FAM53A: variants seen among roughly 807,000 people sequenced by gnomAD.
The protein encoded by FAM53A is family with sequence similarity 53 member A, also known as protein FAM53A.
FAM53A carries 28 observed loss-of-function variants against 26.6 expected under a neutral mutation model. The observed-to-expected ratio is 1.05, with a 90% confidence interval of 0.78 to 1.45. The LOEUF (loss-of-function observed/expected upper bound fraction) is 1.45. Ranked by LOEUF, FAM53A falls within the 40% of genes most tolerant of loss-of-function variation. The pLI is 0.00. For missense variants in FAM53A, 650 were observed against 575.8 expected (o/e 1.13, Z -1.32); for synonymous variants, 290 against 253.1 (o/e 1.15, Z -1.38).
At chr4:1,579,671 T>A in the FAM53A span, among the ~76,000 whole-genome samples, 2 of 152,102 alleles carry the variant, frequency 1.3e-5, no homozygotes, top group East Asian at 3.9e-4. Flanking sequence ...GAGTTACGAC[T>A]CAGAACGCCC....
chr4:1,577,435 A>AG, the FAM53A span, among the ~76,000 whole-genome samples: 2,443 of 152,220 alleles, frequency 0.016, 65 homozygotes, highest in African/African-American at 0.056. Flanking sequence ...GCGGGGTGGT[A>AG]GGGGGGCTAC....
intron 3 of FAM53A, among the ~76,000 whole-genome samples, chr4:1,656,837 A>G (rs1378215875): frequency 6.6e-6 from 1 of 152,132 alleles, no homozygotes; most frequent in East Asian, 1.9e-4. Context: ...ACAGTCAGGT[A>G]AGCAGGGCCA....
chr4:1,596,775 C>CAG, the FAM53A span, among the ~76,000 whole-genome samples: 193 of 150,946 alleles, frequency 1.3e-3, no homozygotes, highest in African/African-American at 4.0e-3. Context: ...GGGGGAAAGA[C>CAG]AGAGAGAGAG....
At chr4:1,574,773 C>T in the FAM53A span, among the ~76,000 whole-genome samples, 2 of 152,332 alleles carry the variant, frequency 1.3e-5, no homozygotes, top group South Asian at 2.1e-4. Context: ...GCTGGCTGGA[C>T]GGCAGGTGGT....
chr4:1,644,570 GTCCCT>G, intron 4 of FAM53A: 1 of 486,320 alleles, frequency 2.1e-6, no homozygotes, highest in Non-Finnish European at 3.6e-6. Context: ...CGCGCCCCCT[GTCCCT>G]GGGCGCCAGC....
the FAM53A span, among the ~76,000 whole-genome samples, chr4:1,609,093 T>C: frequency 8.0e-4 from 122 of 152,206 alleles, no homozygotes; most frequent in Middle Eastern, 3.4e-3. Flanking sequence ...CCCTGGCTCC[T>C]GCTCAGGAGC....
At chr4:1,615,168 G>A (rs977022600), downstream of FAM53A, among the ~76,000 whole-genome samples, 1 of 148,892 alleles carries the variant, frequency 6.7e-6, no homozygotes, top group African/African-American at 2.5e-5. Context: ...CGGAAGACAG[G>A]ATGCGGCTAC....
At chr4:1,595,545 G>A in the FAM53A span, among the ~76,000 whole-genome samples, 1 of 152,104 alleles carries the variant, frequency 6.6e-6, no homozygotes, top group Non-Finnish European at 1.5e-5. Flanking sequence ...TGGGAGCCCT[G>A]GGAAGTCACC....
the FAM53A span, among the ~76,000 whole-genome samples, chr4:1,579,632 G>A: frequency 6.6e-6 from 1 of 152,206 alleles, no homozygotes; most frequent in Non-Finnish European, 1.5e-5. Flanking sequence ...GGGTGGGGCT[G>A]CCTCCCAGCG....
rs59373702 is a variant in FAM53A at position 1,654,149 on chromosome 4, T to C, written c.882+829A>G. 1.3e-3 allele frequency among the ~76,000 whole-genome samples: 200 copies of C among 152,328 alleles called. 1 individual carries two copies. Among genetic ancestry groups the C allele is most frequent in the African/African-American group, 4.6e-3 (192 of 41,564 alleles). On this transcript the variant is annotated intron_variant, in intron 4 of 4. Coordinates refer to ENST00000308132, the MANE Select transcript of FAM53A (RefSeq NM_001174070.3). ...CCACTCGGCCCTGGCTGGTACTCAG[T>C]TGGCATCGGGAAGTCCTGTTAATTT...
intron 3 of FAM53A, among the ~76,000 whole-genome samples, chr4:1,656,861 C>T (rs1713424352): frequency 6.6e-6 from 1 of 152,168 alleles, no homozygotes; most frequent in Non-Finnish European, 1.5e-5. Flanking sequence ...GAGGGAGATG[C>T]CCCTGGGACC....
the FAM53A span, among the ~76,000 whole-genome samples, chr4:1,609,877 C>T: frequency 6.6e-6 from 1 of 152,082 alleles, no homozygotes; most frequent in Non-Finnish European, 1.5e-5. Flanking sequence ...GTGGGAGAAT[C>T]GCTTGAACTC....
chr4:1,624,675 C>G (rs111967714), intron 1 of FAM53A, among the ~76,000 whole-genome samples: 185 of 152,352 alleles, frequency 1.2e-3, no homozygotes, highest in African/African-American at 4.2e-3. Context: ...CGCCACCACG[C>G]CAGGTACCGC....
At chr4:1,594,910 G>T in the FAM53A span, among the ~76,000 whole-genome samples, 1 of 152,218 alleles carries the variant, frequency 6.6e-6, no homozygotes, top group Non-Finnish European at 1.5e-5. Context: ...ATACATTGCC[G>T]CCAGGAAGGA....
intron 1 of FAM53A, among the ~76,000 whole-genome samples, chr4:1,629,243 C>T (rs573748610): frequency 6.6e-6 from 1 of 152,252 alleles, no homozygotes; most frequent in Admixed American, 6.5e-5. Flanking sequence ...CACTCTCCAC[C>T]AGGACTCCAG....
At position 1,655,656 on chromosome 4, in the gene FAM53A, A is replaced by T. The variant is rs1232177637; in HGVS notation, c.204T>A (p.Asp68Glu). The T allele has an allele frequency of 6.3e-7, 1 of 1,596,876 alleles. No homozygotes were observed. The highest frequency in any genetic ancestry group is 1.1e-5 in the South Asian group (1 of 89,276). ...CAGACAGGCCCGGCAGGAAGGAGAA[A>T]TCAGGGCCCGTGGCTGCCTGGCTTC... Reference protein sequence around the residue: ...PVRSQAATGPDFSFLPGLSAA... With the variant: ...PVRSQAATGPEFSFLPGLSAA... Residue 68 changes from aspartate to glutamate, a missense_variant, in exon 4 of 5, where the codon GAT (aspartate) becomes GAA (glutamate). Coordinates refer to ENST00000308132, the MANE Select transcript of FAM53A (RefSeq NM_001174070.3).
chr4:1,645,822 C>T (rs1218677937), intron 4 of FAM53A, among the ~76,000 whole-genome samples: 2 of 152,216 alleles, frequency 1.3e-5, no homozygotes, highest in South Asian at 2.1e-4. Context: ...CGGTCTGCGC[C>T]GTCTCAAACA....
intron 1 of FAM53A, among the ~76,000 whole-genome samples, chr4:1,682,664 C>G (rs958054234): frequency 2.0e-5 from 3 of 152,110 alleles, no homozygotes; most frequent in African/African-American, 7.2e-5. Flanking sequence ...TGTGTACTCT[C>G]TCGGATTAGA....
intron 4 of FAM53A, among the ~76,000 whole-genome samples, chr4:1,650,322 A>G (rs1326866324): frequency 4.8e-3 from 256 of 53,368 alleles, no homozygotes; most frequent in East Asian, 0.016. Flanking sequence ...GCACAGGCAT[A>G]GTGTTTGACT....
Sources: gnomAD v4.1 joint callset for allele counts (sites outside exome capture counted in the v4.1 genomes callset) on GRCh38, gnomAD v4.1.1 for gene constraint, MANE v1.5 for transcripts, NCBI Gene and HGNC (gene_info 2026-07-23, HGNC 2026-07-21) for gene names.